GRIN2B: variants seen among roughly 807,000 people sequenced by gnomAD.
GRIN2B encodes the protein glutamate receptor ionotropic, NMDA 2B.
In GRIN2B, 5 loss-of-function variants were observed where a neutral mutation model predicts 114.5. The observed-to-expected ratio is 0.04, with a 90% CI of 0.02 to 0.09. The LOEUF (loss-of-function observed/expected upper bound fraction) is 0.09, where lower values mean the gene tolerates loss of function less well. GRIN2B is among the 10% of genes least tolerant of loss of function. The pLI is 1.00. For synonymous variants in GRIN2B, 787 were observed against 745.1 expected, an observed-to-expected ratio of 1.06 and a Z score of -0.92; for missense variants, 1,108 against 1,943.5, an observed-to-expected ratio of 0.57 and a Z score of 8.08.
rs187313845 is a variant in GRIN2B, at chr12:13,780,287, A to T, written c.412-26372T>A. On this transcript the variant is annotated intron_variant, in intron 3 of 13. Transcript: ENST00000609686. ...ATCCTTATTTACCATAGAGCTATTT[A>T]AAAAAAAAAAAGTCTCTTCATTTAC... Among the ~76,000 whole-genome samples, 487 of 140,842 alleles carry T rather than the reference A, an allele frequency of 3.5e-3. 8 individuals are homozygous for T. The East Asian group carries it at 0.062, about 18-fold the overall frequency. 92.4% of individuals were successfully genotyped at this position (140,842 alleles called of 152,430 possible).
intron 3 of GRIN2B, among the ~76,000 whole-genome samples, chr12:13,777,682 T>A (rs961192464): frequency 3.9e-5 from 6 of 152,156 alleles, no homozygotes; most frequent in Non-Finnish European, 7.4e-5. Flanking sequence ...AGTCTTAGGA[T>A]TCCTTAGCCT....
At position 13,540,037 on chromosome 12, in the gene GRIN2B, A is replaced by T. The variant is rs12811726; in HGVS notation, c.*22746T>A. The T allele has an allele frequency of 0.29, 43,780 of 152,184 alleles. 8,098 individuals carry two copies. Among genetic ancestry groups the T allele is most frequent in the Middle Eastern group, 0.49 (144 of 294 alleles). The allele number at this position is 152,184 out of a possible 1,614,324, so 9.4% of individuals were successfully genotyped here. ...TTTCAGAATAATACATGAGGGGGAG[A>T]TGAGTGTAACCAAGGGCTCCAGCAC... On this transcript the variant is annotated 3_prime_UTR_variant, in exon 14 of 14. Transcript: ENST00000609686.
At chr12:13,680,438 G>T (rs1445430241) in intron 4 of GRIN2B, among the ~76,000 whole-genome samples, 2 of 23,754 alleles carry the variant, frequency 8.4e-5, no homozygotes, top group Non-Finnish European at 2.0e-4. Flanking sequence ...CATCAAGGTT[G>T]TGTGTGTGTG....
chr12:13,789,157 G>A (rs1040130134), intron 3 of GRIN2B, among the ~76,000 whole-genome samples: 10 of 152,030 alleles, frequency 6.6e-5, no homozygotes, highest in African/African-American at 2.4e-4. Context: ...TTTATCCATA[G>A]ACTTGCATGT....
intron 4 of GRIN2B, among the ~76,000 whole-genome samples, chr12:13,678,520 C>G (rs1950097543): frequency 6.6e-6 from 1 of 152,226 alleles, no homozygotes; most frequent in South Asian, 2.1e-4. Context: ...CATCCCAAGG[C>G]CTTTACATAT....
chr12:13,971,800 G>A (rs546439912), intron 2 of GRIN2B, among the ~76,000 whole-genome samples: 16 of 152,160 alleles, frequency 1.1e-4, no homozygotes, highest in Non-Finnish European at 1.9e-4. Context: ...TTTTAAGGGC[G>A]TCAGGAAAGC....
At chr12:13,807,405 G>A (rs569201140) in intron 3 of GRIN2B, among the ~76,000 whole-genome samples, 89 of 152,134 alleles carry the variant, frequency 5.9e-4, no homozygotes, top group African/African-American at 2.0e-3. Flanking sequence ...TAGCTCACTC[G>A]TTCACATTTC....
intron 5 of GRIN2B, among the ~76,000 whole-genome samples, chr12:13,617,928 A>G (rs902785563): frequency 2.0e-5 from 3 of 152,196 alleles, no homozygotes; most frequent in Non-Finnish European, 4.4e-5. Context: ...CTGCATCATT[A>G]TAATGCAGGC....
chr12:13,691,511 T>A (rs924000276), intron 4 of GRIN2B, among the ~76,000 whole-genome samples: 2 of 152,196 alleles, frequency 1.3e-5, no homozygotes, highest in African/African-American at 4.8e-5. Context: ...CATCCTAGCA[T>A]AACCTACAGG....
At chr12:13,804,708 TA>T (rs1864572556) in intron 3 of GRIN2B, among the ~76,000 whole-genome samples, 2 of 152,198 alleles carry the variant, frequency 1.3e-5, no homozygotes, top group African/African-American at 4.8e-5. Context: ...TAGAGATTTA[TA>T]TTATATACAT....
chr12:13,563,446 G>A lies in GRIN2B; in HGVS notation c.3792C>T (p.Asp1264=). Residue 1264 remains aspartate (D), a synonymous_variant, in exon 14 of 14, where the codon GAC becomes GAT. Coordinates refer to ENST00000609686, the MANE Select transcript of GRIN2B (RefSeq NM_000834.5). ...TCACCGCCACTGGGGCAGCCGGCTG[G>A]TCCAGTTCCTGCAGGGAGTTGTCCT... is the stretch of plus-strand genomic sequence containing the variant. ...ISEDNSLQEL[D]QPAAPVAVTS... is the part of the protein sequence containing the mutation. 1.2e-6 allele frequency: 2 copies of A among 1,614,208 alleles called. No individual in the cohort carries two copies. The highest frequency in any genetic ancestry group is 2.7e-5 in the African/African-American group (2 of 75,052).
rs921329058 is a variant in GRIN2B at position 13,923,665 on chromosome 12, G to C, written c.-19+56263C>G. On this transcript the variant is annotated intron_variant, in intron 2 of 13. Transcript: ENST00000609686. ...AGGGATGAATGTTCACAATACACTT[G>C]CTGTTTTCCAACAGCCCTGCTCTCT... Among the ~76,000 whole-genome samples the C allele has an allele frequency of 9.2e-5, 14 of 152,264 alleles. No homozygotes were observed. The South Asian group carries it at 2.7e-3, about 29-fold the overall frequency.
rs923147533 is a variant in GRIN2B, at chr12:13,675,946, CT to C, written c.1011-88del. 3 of 773,306 alleles carry C rather than the reference CT, an allele frequency of 3.9e-6. No homozygotes were observed. The African/African-American group carries it at 5.1e-5, about 13-fold the overall frequency. 47.9% of individuals were successfully genotyped at this position (773,306 alleles called of 1,614,324 possible). A position where few individuals can be genotyped will look rare whatever the true frequency, so the allele number is the denominator to read the frequency against. On this transcript the variant is annotated intron_variant, in intron 4 of 13. Transcript: ENST00000609686. ...GTCAGGTATATAGAGAGAAAGCTGG[CT>C]GGAGACAGACAAGTAAATAGAAATA...
rs569482002 is a variant in GRIN2B at position 13,592,569 on chromosome 12, C to T, written c.2010+16034G>A. On this transcript the variant is annotated intron_variant, in intron 10 of 13. Coordinates refer to ENST00000609686, the MANE Select transcript of GRIN2B (RefSeq NM_000834.5). ...TGTGATGTAGCCCTAGCCAGTTGCA[C>T]CCATGACATGGGGGTGACAAAGGCC... 1.4e-3 allele frequency among the ~76,000 whole-genome samples: 206 copies of T among 152,290 alleles called. 1 individual carries two copies. The highest frequency in any genetic ancestry group is 4.6e-3 in the African/African-American group (193 of 41,548).
intron 3 of GRIN2B, among the ~76,000 whole-genome samples, chr12:13,842,023 G>C (rs1313874187): frequency 1.3e-5 from 2 of 152,128 alleles, no homozygotes; most frequent in African/African-American, 4.8e-5. Flanking sequence ...CTAAGCAACT[G>C]GCAATAGAGG....
chr12:13,890,715 C>A (rs1565576923), intron 2 of GRIN2B, among the ~76,000 whole-genome samples: 1 of 152,074 alleles, frequency 6.6e-6, no homozygotes, highest in South Asian at 2.1e-4. Flanking sequence ...TCCCTTGAAC[C>A]AGCTTAGGCA....
At chr12:13,907,558 G>A (rs558601216) in intron 2 of GRIN2B, among the ~76,000 whole-genome samples, 3 of 151,714 alleles carry the variant, frequency 2.0e-5, no homozygotes, top group East Asian at 3.9e-4. Flanking sequence ...TTATTATCAC[G>A]TTCAAGAACA....
At chr12:13,593,765 T>G (rs1412056912) in intron 10 of GRIN2B, among the ~76,000 whole-genome samples, 1 of 152,144 alleles carries the variant, frequency 6.6e-6, no homozygotes, top group East Asian at 1.9e-4. Flanking sequence ...TGGGGAAAAT[T>G]TTGGCAATCT....
Position 13,789,172 on chromosome 12 carries a change from G to T in GRIN2B, c.412-35257C>A, listed in dbSNP as rs183099396. On this transcript the variant is annotated intron_variant, in intron 3 of 13. Transcript: ENST00000609686. Reference sequence around the variant, plus strand: ...TTTATCCATAGACTTGCATGTCAGAGGTTATAAACTCTTATATTCAACAAC... The same window carrying T: ...TTTATCCATAGACTTGCATGTCAGATGTTATAAACTCTTATATTCAACAAC... Among the ~76,000 whole-genome samples, 45 of 152,208 alleles carry T rather than the reference G, an allele frequency of 3.0e-4. No homozygotes were observed. The East Asian group carries it at 8.3e-3, about 28-fold the overall frequency.
Sources: allele counts gnomAD v4.1 joint callset (sites outside exome capture counted in the v4.1 genomes callset), GRCh38; gene constraint gnomAD v4.1.1; transcripts MANE v1.5; gene names NCBI Gene and HGNC (gene_info 2026-07-23, HGNC 2026-07-21).